The following SH3PXD2B variants were observed in gnomAD, a reference collection of about 807,000 sequenced individuals.
SH3PXD2B encodes SH3 and PX domain-containing protein 2B.
In SH3PXD2B, 37 loss-of-function variants were observed where a neutral mutation model predicts 73.1. The observed-to-expected ratio is 0.51, with a 90% CI of 0.39 to 0.67. SH3PXD2B has a LOEUF of 0.67. SH3PXD2B is among the 30% of genes least tolerant of loss of function. The pLI is 0.00. For missense variants in SH3PXD2B, 1,053 were observed against 1,197.8 expected (o/e 0.88, Z 1.78); for synonymous variants, 457 against 480.5 (o/e 0.95, Z 0.64).
At chr5:172,410,226 T>C (rs181301763) in intron 2 of SH3PXD2B, among the ~76,000 whole-genome samples, 1 of 152,368 alleles carries the variant, frequency 6.6e-6, no homozygotes, top group African/African-American at 2.4e-5. Context: ...CTACATTGTT[T>C]CCCATGGTGG....
At chr5:172,434,782 G>GTTTTTTTTTTGTTGTTT in intron 1 of SH3PXD2B, among the ~76,000 whole-genome samples, 1 of 66,340 alleles carries the variant, frequency 1.5e-5, no homozygotes, top group African/African-American at 4.6e-5. Flanking sequence ...ATGGCCAATG[G>GTTTTTTTTTTGTTGTTT]TTTTTTTTTT....
At chr5:172,451,718 A>T (rs1225580586) in intron 1 of SH3PXD2B, among the ~76,000 whole-genome samples, 1 of 152,240 alleles carries the variant, frequency 6.6e-6, no homozygotes, top group Non-Finnish European at 1.5e-5. Flanking sequence ...TGGGAGTCAA[A>T]GTCCAGGCCT....
intron 6 of SH3PXD2B, among the ~76,000 whole-genome samples, chr5:172,366,932 ATT>A (rs1262636786): frequency 8.0e-5 from 6 of 75,102 alleles, no homozygotes; most frequent in Admixed American, 1.9e-4. Flanking sequence ...GTGCCCGGCC[ATT>A]TTTTTTTTTT....
chr5:172,399,347 C>T (rs1009165388), intron 3 of SH3PXD2B, among the ~76,000 whole-genome samples: 4 of 152,162 alleles, frequency 2.6e-5, no homozygotes, highest in South Asian at 4.1e-4. Context: ...TATTTCTACC[C>T]CTTATACCTC....
intron 12 of SH3PXD2B, among the ~76,000 whole-genome samples, chr5:172,345,930 G>C (rs1756987647): frequency 6.6e-6 from 1 of 152,232 alleles, no homozygotes. Flanking sequence ...TTAGACAGTG[G>C]TGAGGGTTGT....
At chr5:172,341,805 C>T (rs181173350) in intron 12 of SH3PXD2B, among the ~76,000 whole-genome samples, 4 of 152,112 alleles carry the variant, frequency 2.6e-5, no homozygotes, top group East Asian at 1.9e-4. Flanking sequence ...CGCCTGCCAC[C>T]GTGCCCGGCT....
At position 172,338,783 on chromosome 5, in the gene SH3PXD2B, C is replaced by A; in HGVS notation, c.2322G>T (p.Pro774=). 6.2e-7 allele frequency: 1 copy of A among 1,614,140 alleles called. No homozygotes were observed. The highest frequency in any genetic ancestry group is 1.1e-5 in the South Asian group (1 of 91,084). The change falls in exon 13 of 13, where the codon CCG becomes CCT. Residue 774 remains proline (P), a synonymous_variant. Transcript: ENST00000311601. This position sits in a 1 kb window ranked among gnomAD's most constrained non-coding sequence, Gnocchi z 5.1. ...PPKKTSSSSR[P]LPEVRGPQCE... ...ACTGTGGACCTCTGACCTCTGGGAG[C>A]GGCCTGGATGACGAAGAGGTTTTCT...
rs1383409923 is a variant in SH3PXD2B, at chr5:172,338,799, G to A, written c.2306C>T (p.Ser769Phe). The A allele has an allele frequency of 1.2e-6, 2 of 1,614,216 alleles. No homozygotes were observed. ...PRRPPPPKKT[S>F]SSSRPLPEVR... is the part of the protein sequence containing the mutation. ...CTCTGGGAGCGGCCTGGATGACGAAGAGGTTTTCTTTGGGGGAGGTGGTCT... is the reference window on the plus strand; with the variant it reads ...CTCTGGGAGCGGCCTGGATGACGAAAAGGTTTTCTTTGGGGGAGGTGGTCT... The change falls in exon 13 of 13, where the codon TCT becomes TTT. Residue 769 changes from serine to phenylalanine, a missense_variant. By Grantham distance (155) the Ser-to-Phe change is radical. Coordinates refer to ENST00000311601, the MANE Select transcript of SH3PXD2B (RefSeq NM_001017995.3). The surrounding 1 kb of genome is among the most constrained non-coding windows in gnomAD (Gnocchi z 5.1).
chr5:172,330,217 T>C (rs1756529538), downstream of SH3PXD2B, among the ~76,000 whole-genome samples: 1 of 152,222 alleles, frequency 6.6e-6, no homozygotes, highest in South Asian at 2.1e-4. Flanking sequence ...GTCTTTATAT[T>C]TTGGGATGCT....
intron 4 of SH3PXD2B, among the ~76,000 whole-genome samples, chr5:172,385,622 C>T (rs1260357474): frequency 6.6e-6 from 1 of 152,168 alleles, no homozygotes; most frequent in Admixed American, 6.5e-5. Context: ...TGGGGAATGG[C>T]CCCTGGAGGT....
intron 5 of SH3PXD2B, among the ~76,000 whole-genome samples, chr5:172,381,479 G>C (rs113976697): frequency 1.3e-5 from 2 of 152,202 alleles, no homozygotes; most frequent in African/African-American, 2.4e-5. Flanking sequence ...GCACTGTGTG[G>C]CTGGGGCTGC....
At chr5:172,410,500 G>A (rs549498891) in intron 2 of SH3PXD2B, among the ~76,000 whole-genome samples, 8 of 152,144 alleles carry the variant, frequency 5.3e-5, no homozygotes, top group Non-Finnish European at 8.8e-5. Context: ...ATAAAAACGG[G>A]CTGAACTTGA....
chr5:172,380,837 C>T (rs1391654558), intron 5 of SH3PXD2B, among the ~76,000 whole-genome samples: 3 of 152,164 alleles, frequency 2.0e-5, no homozygotes, highest in African/African-American at 4.8e-5. Context: ...GCTCCGTGCT[C>T]GTCACAGGAA....
At chr5:172,430,891 G>T (rs1273100830) in intron 1 of SH3PXD2B, among the ~76,000 whole-genome samples, 1 of 151,730 alleles carries the variant, frequency 6.6e-6, no homozygotes, top group Non-Finnish European at 1.5e-5. Flanking sequence ...TTTTGAGATG[G>T]AGTCTCGTTC....
chr5:172,342,240 A>G (rs1756868779), intron 12 of SH3PXD2B, among the ~76,000 whole-genome samples: 1 of 152,186 alleles, frequency 6.6e-6, no homozygotes, highest in African/African-American at 2.4e-5. Context: ...GGCAGCCATC[A>G]CAGATGTACA....
chr5:172,367,684 T>C (rs1319155514), intron 6 of SH3PXD2B, among the ~76,000 whole-genome samples: 1 of 151,924 alleles, frequency 6.6e-6, no homozygotes, highest in Non-Finnish European at 1.5e-5. Context: ...TAGTTGGGAG[T>C]GGTCATGTAA....
chr5:172,340,477 C>T (rs192161802), intron 12 of SH3PXD2B, among the ~76,000 whole-genome samples: 13 of 152,306 alleles, frequency 8.5e-5, no homozygotes, highest in African/African-American at 2.6e-4. Context: ...GCACCGGCAG[C>T]GTCTGCTACA....
In SH3PXD2B at chr5:172,421,679, G is replaced by A. The variant is rs1465011700; in HGVS notation, c.156+737C>T. ...GGGTTACTGGAGCCATGAGTGAGCC[G>A]GGAAGGCACAGGAGTGTGTGGGGAG... On this transcript the variant is annotated intron_variant, in intron 2 of 12. Transcript: ENST00000311601. This position sits in a 1 kb window ranked among gnomAD's most constrained non-coding sequence, Gnocchi z 4.0. Among the ~76,000 whole-genome samples, 3 of 152,314 alleles carry A rather than the reference G, an allele frequency of 2.0e-5. No homozygotes were observed. The highest frequency in any genetic ancestry group is 2.9e-5 in the Non-Finnish European group (2 of 68,030).
At position 172,350,589 on chromosome 5, in the gene SH3PXD2B, C is replaced by T; in HGVS notation, c.786G>A (p.Arg262=). 6.2e-7 allele frequency: 1 copy of T among 1,604,244 alleles called. No homozygotes were observed. Among genetic ancestry groups the T allele is most frequent in the East Asian group, 2.2e-5 (1 of 44,468 alleles). The part of the protein sequence containing the change: ...QKNLEGWWKI[R]YQGKEGWAPA... The stretch of plus-strand genomic sequence containing the variant: ...GGGCCCAGCCTTCTTTGCCCTGGTA[C>T]CTGTGAAGAGGAGGAAGGATGCTGT... The change falls in exon 10 of 13, where the codon AGG becomes AGA. Residue 262 remains arginine, a splice_region_variant and synonymous_variant. Transcript: ENST00000311601.
Sources: gnomAD v4.1 joint callset for allele counts (sites outside exome capture counted in the v4.1 genomes callset) on GRCh38, gnomAD v4.1.1 for gene constraint, Gnocchi (gnomAD v3.1) non-coding constraint, MANE v1.5 for transcripts, NCBI Gene and HGNC (gene_info 2026-07-23, HGNC 2026-07-21) for gene names.